PPP1R36: variants seen among roughly 807,000 people sequenced by gnomAD.
PPP1R36 encodes the protein protein phosphatase 1 regulatory subunit 36, also known as chromosome 14 open reading frame 50.
PPP1R36 carries 47 observed loss-of-function variants against 53.4 expected under a neutral mutation model. That is an observed-to-expected ratio of 0.88 (90% confidence interval 0.70 to 1.12). The LOEUF (loss-of-function observed/expected upper bound fraction) is 1.12. Among genes scored for constraint, PPP1R36 ranks in the 50% most tolerant of loss-of-function variants. PPP1R36 has a pLI of 0.00. For synonymous variants in PPP1R36, 153 were observed against 170.5 expected, an observed-to-expected ratio of 0.90 and a Z score of 0.80; for missense variants, 456 against 513.9, an observed-to-expected ratio of 0.89 and a Z score of 1.09.
At chr14:64,559,778 T>G (rs2080189863) in intron 3 of PPP1R36, among the ~76,000 whole-genome samples, 1 of 151,776 alleles carries the variant, frequency 6.6e-6, no homozygotes, top group African/African-American at 2.4e-5. Flanking sequence ...CACAGGGGAG[T>G]CATCAAAGCA....
chr14:64,573,248 T>G (rs1317191948), intron 7 of PPP1R36, among the ~76,000 whole-genome samples: 1 of 152,096 alleles, frequency 6.6e-6, no homozygotes, highest in Non-Finnish European at 1.5e-5. Context: ...CTAAGAACAG[T>G]TTGTCTTTGT....
At chr14:64,552,553 A>G (rs2080103388) in intron 2 of PPP1R36, 2 of 344,046 alleles carry the variant, frequency 5.8e-6, no homozygotes, top group Non-Finnish European at 1.1e-5. Flanking sequence ...ACTTGTTCAC[A>G]TTAATACGTC....
At chr14:64,554,461 T>C (rs996793461) in intron 3 of PPP1R36, among the ~76,000 whole-genome samples, 5 of 148,882 alleles carry the variant, frequency 3.4e-5, no homozygotes, top group Non-Finnish European at 7.4e-5. Flanking sequence ...TCATCACAAA[T>C]TTTAACAGAT....
intron 7 of PPP1R36, among the ~76,000 whole-genome samples, chr14:64,569,161 G>A (rs1261455633): frequency 6.6e-6 from 1 of 152,154 alleles, no homozygotes; most frequent in Non-Finnish European, 1.5e-5. Flanking sequence ...GTGGCGCAGA[G>A]GTGTACACCA....
chr14:64,582,064 G>A (rs1003642483), intron 8 of PPP1R36, among the ~76,000 whole-genome samples: 5 of 152,152 alleles, frequency 3.3e-5, no homozygotes, highest in African/African-American at 1.2e-4. Context: ...AGAGGCTAGC[G>A]GTGGGGCTGA....
chr14:64,557,352 C>T (rs1403829709), intron 3 of PPP1R36, among the ~76,000 whole-genome samples: 1 of 151,996 alleles, frequency 6.6e-6, no homozygotes, highest in Non-Finnish European at 1.5e-5. Context: ...TAAGCACTAT[C>T]TTAGAAAACA....
At chr14:64,561,964 G>T (rs781135474) in intron 3 of PPP1R36, 1 of 371,688 alleles carries the variant, frequency 2.7e-6, no homozygotes, top group Non-Finnish European at 5.3e-6. Context: ...GAGTGGTCCA[G>T]CCCTCTGCAT....
At chr14:64,555,730 TA>T (rs1036643129) in intron 3 of PPP1R36, among the ~76,000 whole-genome samples, 4 of 151,328 alleles carry the variant, frequency 2.6e-5, no homozygotes, top group Admixed American at 6.6e-5. Context: ...CCCCGTCTCT[TA>T]AAAAAAAATT....
intron 3 of PPP1R36, among the ~76,000 whole-genome samples, chr14:64,556,601 ATTTTTT>A (rs753994540): frequency 8.1e-6 from 1 of 122,876 alleles, no homozygotes; most frequent in Non-Finnish European, 1.6e-5. Flanking sequence ...TGTTCCCACA[ATTTTTT>A]TTTTTTTTTT....
At chr14:64,573,459 C>G (rs2080318288) in intron 7 of PPP1R36, among the ~76,000 whole-genome samples, 1 of 152,116 alleles carries the variant, frequency 6.6e-6, no homozygotes, top group African/African-American at 2.4e-5. Flanking sequence ...GCAGGGGAAG[C>G]TGAGGTACGT....
intron 6 of PPP1R36, among the ~76,000 whole-genome samples, chr14:64,566,422 G>A (rs1479367813): frequency 3.5e-5 from 5 of 143,822 alleles, no homozygotes; most frequent in African/African-American, 1.0e-4. Context: ...CAGCCTGGGC[G>A]ACAGAGCAAG....
At chr14:64,557,803 G>A (rs2080168859) in intron 3 of PPP1R36, among the ~76,000 whole-genome samples, 1 of 152,146 alleles carries the variant, frequency 6.6e-6, no homozygotes, top group African/African-American at 2.4e-5. Flanking sequence ...GAAGTCAGGA[G>A]TTCAAGACTA....
Position 64,587,289 on chromosome 14 carries a change from C to T in PPP1R36, c.807C>T (p.Thr269=). 6.2e-7 allele frequency: 1 copy of T among 1,613,308 alleles called. No homozygotes were observed. Among genetic ancestry groups the T allele is most frequent in the African/African-American group, 1.3e-5 (1 of 75,006 alleles). Residue 269 remains threonine (T), a synonymous_variant, in exon 10 of 12, where the codon ACC becomes ACT. Transcript: ENST00000298705. ...IEEEVGRLFR[T]NMFNIPRRRR... ...AAGAAGTAGGGAGACTCTTTCGTAC[C>T]AATATGTTCAACATTCCTCGCAGGA...
chr14:64,588,073 A>G, intron 10 of PPP1R36, 31 bp from the exon 11 acceptor site: 1 of 1,557,334 alleles, frequency 6.4e-7, no homozygotes, highest in Non-Finnish European at 8.7e-7. Flanking sequence ...ACAGGGTGAT[A>G]TGACCTAAAT....
chr14:64,563,613 T>C (rs2140227466), intron 3 of PPP1R36, among the ~76,000 whole-genome samples: 1 of 152,294 alleles, frequency 6.6e-6, no homozygotes, highest in Non-Finnish European at 1.5e-5. Context: ...CAAGCTGACT[T>C]TATTACTGTC....
intron 6 of PPP1R36, among the ~76,000 whole-genome samples, chr14:64,567,480 A>G (rs1305130995): frequency 1.3e-5 from 2 of 152,264 alleles, no homozygotes; most frequent in Non-Finnish European, 2.9e-5. Context: ...AAAGAGGTCT[A>G]TGCTACGCAG....
chr14:64,554,148 T>TG (rs1251024967), intron 3 of PPP1R36, among the ~76,000 whole-genome samples: 26 of 140,754 alleles, frequency 1.8e-4, no homozygotes, highest in Non-Finnish European at 3.2e-4. Flanking sequence ...AATTGTTTTT[T>TG]TTTTTTTTTT....
chr14:64,568,306 G>A (rs1391468013), intron 6 of PPP1R36, 43 bp from the exon 7 acceptor site: 1 of 806,526 alleles, frequency 1.2e-6, no homozygotes, highest in Non-Finnish European at 2.0e-6. Flanking sequence ...TTTGAAATAG[G>A]TTAGCATTGA....
intron 7 of PPP1R36, among the ~76,000 whole-genome samples, chr14:64,569,136 T>C (rs1207355475): frequency 6.6e-6 from 1 of 152,196 alleles, no homozygotes; most frequent in Non-Finnish European, 1.5e-5. Context: ...TTAAATGCTT[T>C]AGCTTTAGGC....
Sources: allele counts gnomAD v4.1 joint callset (sites outside exome capture counted in the v4.1 genomes callset), GRCh38; gene constraint gnomAD v4.1.1; transcripts MANE v1.5; gene names NCBI Gene and HGNC (gene_info 2026-07-23, HGNC 2026-07-21).